Variants in SPAG16 observed in about 807,000 individuals in gnomAD.
SPAG16 encodes the protein sperm associated antigen 16, also known as sperm-associated antigen 16 protein.
Under a neutral mutation model 80.4 loss-of-function variants are expected in SPAG16, and 86 were observed. That is an observed-to-expected ratio of 1.07 (90% CI 0.90 to 1.28). The LOEUF (loss-of-function observed/expected upper bound fraction) is 1.28, where lower values mean the gene tolerates loss of function less well. Ranked by LOEUF, SPAG16 falls within the 50% of genes most tolerant of loss-of-function variation. The pLI is 0.00. For missense variants in SPAG16, 870 were observed against 765.3 expected (o/e 1.14, Z -1.61); for synonymous variants, 294 against 265.9 (o/e 1.11, Z -1.03).
intron 13 of SPAG16, among the ~76,000 whole-genome samples, chr2:214,053,121 G>A (rs1267685455): frequency 6.6e-6 from 1 of 152,168 alleles, no homozygotes; most frequent in Non-Finnish European, 1.5e-5. Context: ...ATTTCACCTG[G>A]AGGAGAAAGA....
intron 9 of SPAG16, among the ~76,000 whole-genome samples, chr2:213,407,678 G>A (rs1559101045): frequency 6.9e-6 from 1 of 145,402 alleles, no homozygotes; most frequent in Non-Finnish European, 1.5e-5. Flanking sequence ...GAGAGACAGA[G>A]AGGAGAGAGA....
chr2:214,156,946 G>T (rs191778471), intron 15 of SPAG16, among the ~76,000 whole-genome samples: 42 of 152,304 alleles, frequency 2.8e-4, no homozygotes, highest in African/African-American at 1.0e-3. Flanking sequence ...GCTGTAAGAG[G>T]AGAGGATAAA....
chr2:214,292,012 G>T lies in SPAG16; in HGVS notation c.1721-118128G>T, dbSNP rs76369324. Reference sequence around the variant, plus strand: ...CCCTTTATTGATGAAGAATAATTTTGCTGTGCATGATATCCTTGAGTGGGA... The same window carrying T: ...CCCTTTATTGATGAAGAATAATTTTTCTGTGCATGATATCCTTGAGTGGGA... On this transcript the variant is annotated intron_variant, in intron 15 of 15. Coordinates refer to ENST00000331683, the MANE Select transcript of SPAG16 (RefSeq NM_024532.5). Among the ~76,000 whole-genome samples the T allele has an allele frequency of 4.7e-3, 709 of 152,218 alleles. 4 individuals carry two copies. The highest frequency in any genetic ancestry group is 0.016 in the African/African-American group (674 of 41,528).
At chr2:214,048,001 C>T (rs554488145) in intron 13 of SPAG16, among the ~76,000 whole-genome samples, 3 of 152,110 alleles carry the variant, frequency 2.0e-5, no homozygotes, top group African/African-American at 4.8e-5. Flanking sequence ...ATCATGTCAC[C>T]CCAGTTAAAA....
chr2:213,364,460 CAG>C (rs2066167732), intron 8 of SPAG16: 1 of 164,730 alleles, frequency 6.1e-6, no homozygotes, highest in Non-Finnish European at 1.3e-5. Flanking sequence ...CAGTAGAAAA[CAG>C]ACAGCTCAAG....
At chr2:213,637,577 T>C (rs1437820123) in intron 10 of SPAG16, among the ~76,000 whole-genome samples, 1 of 152,184 alleles carries the variant, frequency 6.6e-6, no homozygotes, top group Non-Finnish European at 1.5e-5. Context: ...TCCTGGACTT[T>C]TGTTGTTGTT....
chr2:213,663,499 A>G (rs920426722), intron 10 of SPAG16, among the ~76,000 whole-genome samples: 1 of 152,098 alleles, frequency 6.6e-6, no homozygotes, highest in Admixed American at 6.6e-5. Context: ...TCATTATTTT[A>G]AAACAAGTGA....
At chr2:213,958,391 G>A (rs1160820946) in intron 12 of SPAG16, among the ~76,000 whole-genome samples, 1 of 152,080 alleles carries the variant, frequency 6.6e-6, no homozygotes, top group Non-Finnish European at 1.5e-5. Flanking sequence ...CCTCAAGCTG[G>A]ATCAACCACC....
intron 10 of SPAG16, among the ~76,000 whole-genome samples, chr2:213,744,348 A>G (rs372839005): frequency 6.6e-6 from 1 of 151,812 alleles, no homozygotes; most frequent in Middle Eastern, 3.4e-3. Context: ...ATTTTACTTT[A>G]TTTCTCTCTT....
chr2:214,109,490 G>A (rs1379701690), intron 14 of SPAG16, among the ~76,000 whole-genome samples: 1 of 152,040 alleles, frequency 6.6e-6, no homozygotes, highest in Non-Finnish European at 1.5e-5. Flanking sequence ...AAATCTGATG[G>A]ATTACTTACA....
At chr2:213,311,280 A>T (rs2063177015) in intron 4 of SPAG16, among the ~76,000 whole-genome samples, 2 of 151,706 alleles carry the variant, frequency 1.3e-5, no homozygotes, top group African/African-American at 4.8e-5. Flanking sequence ...ACTAGAAAAT[A>T]TATTTTTTGT....
At chr2:213,603,808 T>C (rs1011645822) in intron 10 of SPAG16, among the ~76,000 whole-genome samples, 35 of 152,252 alleles carry the variant, frequency 2.3e-4, no homozygotes, top group African/African-American at 8.0e-4. Context: ...CTCCAGTTCA[T>C]TCCATTAATT....
At chr2:214,258,418 G>A (rs866403004) in intron 15 of SPAG16, among the ~76,000 whole-genome samples, 5 of 149,060 alleles carry the variant, frequency 3.4e-5, no homozygotes, top group Admixed American at 6.7e-5. Flanking sequence ...CCATTATTTC[G>A]TTCTTTTTTA....
At chr2:213,452,776 C>T (rs976590520) in intron 9 of SPAG16, among the ~76,000 whole-genome samples, 1 of 152,224 alleles carries the variant, frequency 6.6e-6, no homozygotes, top group African/African-American at 2.4e-5. Flanking sequence ...ATGGCCTCTC[C>T]TGAGGCTGGG....
intron 15 of SPAG16, among the ~76,000 whole-genome samples, chr2:214,253,464 T>A (rs1187663732): frequency 6.6e-6 from 1 of 152,222 alleles, no homozygotes; most frequent in Non-Finnish European, 1.5e-5. Context: ...TTAATCCATC[T>A]TTAGTTAATT....
In SPAG16 at chr2:213,737,730, A is replaced by T. The variant is rs977894463; in HGVS notation, c.1071-124755A>T. Among the ~76,000 whole-genome samples, 5 of 151,964 alleles carry T rather than the reference A, an allele frequency of 3.3e-5. No homozygotes were observed. In the South Asian group the frequency reaches 1.0e-3, roughly 32 times the overall value. On this transcript the variant is annotated intron_variant, in intron 10 of 15. Transcript: ENST00000331683. The stretch of plus-strand genomic sequence containing the variant: ...GTCTCGATCTCCTGACCTTGTGATC[A>T]GCCCGCCTCGGCCTCCCAAAGTGCT...
intron 15 of SPAG16, among the ~76,000 whole-genome samples, chr2:214,321,051 A>T (rs183548343): frequency 1.8e-3 from 275 of 152,346 alleles, no homozygotes; most frequent in African/African-American, 6.0e-3. Flanking sequence ...ACAGATTGGC[A>T]TACAGTACAG....
At chr2:213,316,021 A>G (rs1322706075) in intron 4 of SPAG16, among the ~76,000 whole-genome samples, 1 of 151,978 alleles carries the variant, frequency 6.6e-6, no homozygotes, top group East Asian at 1.9e-4. Flanking sequence ...TCATGACTTT[A>G]AATAGTATCT....
intron 14 of SPAG16, among the ~76,000 whole-genome samples, chr2:214,119,721 T>C (rs2054117732): frequency 6.6e-6 from 1 of 152,104 alleles, no homozygotes; most frequent in Non-Finnish European, 1.5e-5. Flanking sequence ...ACTAATTTCT[T>C]TCTTTTCTCT....
Sources: allele counts gnomAD v4.1 joint callset (sites outside exome capture counted in the v4.1 genomes callset), GRCh38; gene constraint gnomAD v4.1.1; transcripts MANE v1.5; gene names NCBI Gene and HGNC (gene_info 2026-07-23, HGNC 2026-07-21).